Variants in PROS1 observed in about 807,000 individuals in gnomAD.
PROS1 encodes the protein protein S.
Under a neutral mutation model 75.9 loss-of-function variants are expected in PROS1, and 29 were observed. The observed-to-expected ratio is 0.38, with a 90% confidence interval of 0.28 to 0.52. The LOEUF is 0.52. PROS1 is among the 20% of genes least tolerant of loss of function. The pLI, the probability that PROS1 is intolerant of heterozygous loss-of-function variation, is 0.83. For missense variants in PROS1, 680 were observed against 810.3 expected (o/e 0.84, Z 1.95); for synonymous variants, 245 against 280.6 (o/e 0.87, Z 1.27).
chr3:93,879,852 T>G (rs976753590), intron 12 of PROS1, among the ~76,000 whole-genome samples: 1 of 152,208 alleles, frequency 6.6e-6, no homozygotes, highest in African/African-American at 2.4e-5. Context: ...TGTGAATCTC[T>G]TGTCATAATC....
At chr3:93,919,167 A>G (rs1277836664) in intron 3 of PROS1, among the ~76,000 whole-genome samples, 1 of 152,192 alleles carries the variant, frequency 6.6e-6, no homozygotes, top group South Asian at 2.1e-4. Flanking sequence ...TAGTACCTGC[A>G]TAACAATTTC....
chr3:93,920,776 TTCTC>T (rs746873613), intron 3 of PROS1, among the ~76,000 whole-genome samples: 169 of 152,218 alleles, frequency 1.1e-3, no homozygotes, highest in Non-Finnish European at 1.8e-3. Context: ...TCTTTTTCTT[TTCTC>T]TCTCTTTCTC....
At chr3:93,965,662 G>A (rs1361133718) in intron 1 of PROS1, among the ~76,000 whole-genome samples, 1 of 152,078 alleles carries the variant, frequency 6.6e-6, no homozygotes, top group Non-Finnish European at 1.5e-5. Context: ...CTGTGAGCAA[G>A]GACCCCCCGG....
intron 1 of PROS1, among the ~76,000 whole-genome samples, chr3:93,930,194 G>A (rs191393613): frequency 2.4e-4 from 36 of 152,304 alleles, no homozygotes; most frequent in African/African-American, 7.9e-4. Context: ...TAGAGATTAA[G>A]TCAAGGCAGA....
chr3:93,968,179 T>A (rs1374863021), intron 1 of PROS1, among the ~76,000 whole-genome samples: 1 of 152,198 alleles, frequency 6.6e-6, no homozygotes, highest in South Asian at 2.1e-4. Context: ...CCTGTAAATA[T>A]GACCTTATTT....
At chr3:93,951,615 C>A (rs1390621577) in intron 1 of PROS1, among the ~76,000 whole-genome samples, 1 of 152,184 alleles carries the variant, frequency 6.6e-6, no homozygotes, top group African/African-American at 2.4e-5. Context: ...TGGAAAGGAA[C>A]AACCAGTACC....
At chr3:93,942,017 C>CATG (rs2107226723) in intron 1 of PROS1, among the ~76,000 whole-genome samples, 1 of 152,262 alleles carries the variant, frequency 6.6e-6, no homozygotes, top group East Asian at 1.9e-4. Context: ...ACTTGACCCC[C>CATG]ATGACTGTAT....
chr3:93,911,150 C>T, intron 3 of PROS1: 1 of 188,376 alleles, frequency 5.3e-6, no homozygotes, highest in East Asian at 1.5e-4. Flanking sequence ...TCCAATTCTT[C>T]TCATGTTGCC....
chr3:93,922,655 A>G (rs1708959471), intron 3 of PROS1, among the ~76,000 whole-genome samples: 1 of 152,180 alleles, frequency 6.6e-6, no homozygotes, highest in Non-Finnish European at 1.5e-5. Context: ...TGTAGTTAGT[A>G]AAACTACTGT....
chr3:93,971,016 T>G (rs1443888917), intron 1 of PROS1, among the ~76,000 whole-genome samples: 1 of 151,568 alleles, frequency 6.6e-6, no homozygotes, highest in Non-Finnish European at 1.5e-5. Context: ...AAAAATATTT[T>G]TTTAATCGTC....
At chr3:93,943,752 T>C (rs181318950) in intron 1 of PROS1, among the ~76,000 whole-genome samples, 1 of 152,304 alleles carries the variant, frequency 6.6e-6, no homozygotes, top group Admixed American at 6.5e-5. Flanking sequence ...TCAGATGGCC[T>C]GAAGCAAGTG....
intron 3 of PROS1, among the ~76,000 whole-genome samples, chr3:93,915,751 G>A (rs1446114116): frequency 1.3e-5 from 2 of 152,028 alleles, no homozygotes; most frequent in South Asian, 2.1e-4. Flanking sequence ...TAATCTCTAA[G>A]AAGTTACATT....
At chr3:93,965,960 G>C (rs1338645220) in intron 1 of PROS1, among the ~76,000 whole-genome samples, 2 of 152,112 alleles carry the variant, frequency 1.3e-5, no homozygotes, top group African/African-American at 4.8e-5. Context: ...CTCCCAAAGT[G>C]CTAAAGACTT....
chr3:93,917,654 C>T lies in PROS1; in HGVS notation c.259+6586G>A, dbSNP rs140244846. ...GGGAACAGCTGGAGTTCCTGGTGGG[C>T]GTGGGCTTGGCGGGCCGGCACTCGG... On this transcript the variant is annotated intron_variant, in intron 3 of 14. Coordinates refer to ENST00000394236, the MANE Select transcript of PROS1 (RefSeq NM_000313.4). Among the ~76,000 whole-genome samples, 809 of 152,216 alleles carry T rather than the reference C, an allele frequency of 5.3e-3. 6 individuals carry two copies. Among genetic ancestry groups the T allele is most frequent in the African/African-American group, 0.017 (704 of 41,558 alleles).
At chr3:93,887,965 TTAA>T (rs1576177688) in intron 10 of PROS1, among the ~76,000 whole-genome samples, 2 of 152,212 alleles carry the variant, frequency 1.3e-5, no homozygotes, top group Non-Finnish European at 2.9e-5. Flanking sequence ...TCATGCAGAA[TTAA>T]TAATAATAAG....
At chr3:93,927,587 G>T (rs926538683) in intron 1 of PROS1, among the ~76,000 whole-genome samples, 180 bp from the exon 2 acceptor site, 12 of 152,038 alleles carry the variant, frequency 7.9e-5, no homozygotes, top group African/African-American at 2.9e-4. Context: ...AATTCAGAGA[G>T]CGGGTTTGGT....
chr3:93,951,351 T>G (rs1709492552), intron 1 of PROS1, among the ~76,000 whole-genome samples: 1 of 152,178 alleles, frequency 6.6e-6, no homozygotes, highest in African/African-American at 2.4e-5. Flanking sequence ...GAGAGAAACG[T>G]GAGGTTACCC....
rs781650662 is a variant in PROS1, at chr3:93,973,779, C to T, written c.-30G>A. The T allele has an allele frequency of 1.3e-6, 2 of 1,593,550 alleles. No homozygotes were observed. Among genetic ancestry groups the T allele is most frequent in the South Asian group, 1.1e-5 (1 of 89,560 alleles). ...AAGCGCGCGGAGGCGCCGGCAGGGA[C>T]GGTGGCGCGTCGCGGCGGGGACCGG... On this transcript the variant is annotated 5_prime_UTR_variant, in exon 1 of 15. Transcript: ENST00000394236.
At chr3:93,885,422 T>C in intron 11 of PROS1, among the ~76,000 whole-genome samples, 1 of 152,038 alleles carries the variant, frequency 6.6e-6, no homozygotes, top group South Asian at 2.1e-4. Context: ...GATGGGGTTT[T>C]GCTACATTGG....
Sources: gnomAD v4.1 joint callset for allele counts (sites outside exome capture counted in the v4.1 genomes callset) on GRCh38, gnomAD v4.1.1 for gene constraint, MANE v1.5 for transcripts, NCBI Gene and HGNC (gene_info 2026-07-23, HGNC 2026-07-21) for gene names.